HPCAL1: variants seen among roughly 807,000 people sequenced by gnomAD.
HPCAL1 encodes the protein hippocalcin like 1.
In HPCAL1, 8 loss-of-function variants were observed where a neutral mutation model predicts 17.1. The observed-to-expected ratio is 0.47, with a 90% CI of 0.27 to 0.84. The LOEUF (loss-of-function observed/expected upper bound fraction) is 0.84, where lower values mean the gene tolerates loss of function less well. Ranked by LOEUF, HPCAL1 falls within the 40% of genes least tolerant of loss-of-function variation. HPCAL1 has a pLI of 0.13. For missense variants in HPCAL1, 165 were observed against 271.1 expected (o/e 0.61, Z 2.75); for synonymous variants, 112 against 111.4 (o/e 1.01, Z -0.03).
intron 2 of HPCAL1, among the ~76,000 whole-genome samples, chr2:10,410,436 C>CTTTTTTTTTTTTTTTTTTTT (rs36002921): frequency 1.7e-4 from 13 of 77,522 alleles, no homozygotes; most frequent in East Asian, 4.3e-4. Context: ...TCTTCTTCTT[C>CTTTTTTTTTTTTTTTTTTTT]TTTTTTTTTT....
intron 1 of HPCAL1, among the ~76,000 whole-genome samples, chr2:10,386,751 C>T (rs1055541458): frequency 6.6e-6 from 1 of 152,154 alleles, no homozygotes; most frequent in Non-Finnish European, 1.5e-5. Context: ...CTTCAGATGG[C>T]CAGCTGGAGC....
intron 1 of HPCAL1, among the ~76,000 whole-genome samples, chr2:10,328,586 C>A (rs2125414479): frequency 6.6e-6 from 1 of 152,274 alleles, no homozygotes; most frequent in East Asian, 1.9e-4. Context: ...GGACACCCAC[C>A]TTCTGCTGCT....
At chr2:10,307,414 G>C (rs917094628) in intron 1 of HPCAL1, among the ~76,000 whole-genome samples, 2 of 152,142 alleles carry the variant, frequency 1.3e-5, no homozygotes, top group African/African-American at 2.4e-5. Flanking sequence ...TACCTGCCCA[G>C]GTGCACTGGC....
chr2:10,349,024 G>A (rs1665656839), intron 1 of HPCAL1, among the ~76,000 whole-genome samples: 1 of 152,096 alleles, frequency 6.6e-6, no homozygotes, highest in African/African-American at 2.4e-5. Context: ...TGAGCCTGAT[G>A]GTCTTATTGT....
chr2:10,419,807 G>A lies in HPCAL1; in HGVS notation c.50G>A (p.Arg17Gln). ...CGGCCCGAGGTGCTGCAGGACCTGC[G>A]GGAGAACACGGAGTTCACCGACCAC... Reference protein sequence around the residue: ...KLRPEVLQDLRENTEFTDHEL... With the variant: ...KLRPEVLQDLQENTEFTDHEL... The change falls in exon 3 of 5, where the codon CGG (arginine) becomes CAG (glutamine). Residue 17 changes from arginine (R) to glutamine (Q), a missense_variant. Transcript: ENST00000307845. The surrounding 1 kb of genome is among the most constrained non-coding windows in gnomAD (Gnocchi z 5.0). 1 of 1,613,546 alleles carries A rather than the reference G, an allele frequency of 6.2e-7. No individual in the cohort carries two copies. Among genetic ancestry groups the A allele is most frequent in the Non-Finnish European group, 8.5e-7 (1 of 1,179,930 alleles).
intron 1 of HPCAL1, among the ~76,000 whole-genome samples, chr2:10,351,536 C>T (rs56349441): frequency 0.36 from 55,202 of 151,650 alleles, 10,450 homozygotes; most frequent in South Asian, 0.6. Context: ...GTCAGGAGGA[C>T]TGCTTGAGCT....
chr2:10,397,480 C>T (rs1012150950), intron 2 of HPCAL1, among the ~76,000 whole-genome samples: 1 of 151,070 alleles, frequency 6.6e-6, no homozygotes, highest in African/African-American at 2.4e-5. Flanking sequence ...GGCTGCCGGG[C>T]CCAGGGTCTG....
intron 1 of HPCAL1, among the ~76,000 whole-genome samples, chr2:10,396,058 G>A (rs1360396583): frequency 6.6e-6 from 1 of 152,200 alleles, no homozygotes; most frequent in Non-Finnish European, 1.5e-5. Context: ...TGCTTGGAAC[G>A]CTTGTGCCAG....
rs2125482885 is a variant in HPCAL1 at position 10,359,066 on chromosome 2, T to C, written c.-110-37769T>C. Among the ~76,000 whole-genome samples, 1 of 152,044 alleles carries C rather than the reference T, an allele frequency of 6.6e-6. No individual in the cohort carries two copies. Among genetic ancestry groups the C allele is most frequent in the African/African-American group, 2.4e-5 (1 of 41,466 alleles). The stretch of plus-strand genomic sequence containing the variant: ...CCCGTCTGCATGCTCCCCTCGAGGT[T>C]TGACCCGTCTGCATGCTCCCCTAGA... On this transcript the variant is annotated intron_variant, in intron 1 of 4. Transcript: ENST00000307845. The surrounding 1 kb of genome is among the most constrained non-coding windows in gnomAD (Gnocchi z 4.1).
intron 1 of HPCAL1, among the ~76,000 whole-genome samples, chr2:10,355,429 C>T (rs542245010): frequency 3.6e-4 from 38 of 105,114 alleles, no homozygotes; most frequent in Non-Finnish European, 5.0e-4. Flanking sequence ...CCAGCCTGGG[C>T]GACAGAGCGA....
At chr2:10,329,002 C>T (rs1396410299) in intron 1 of HPCAL1, among the ~76,000 whole-genome samples, 1 of 151,056 alleles carries the variant, frequency 6.6e-6, no homozygotes, top group Non-Finnish European at 1.5e-5. Flanking sequence ...ATTTTAATTA[C>T]TTAATTTTTT....
chr2:10,361,398 T>C (rs773727953), intron 1 of HPCAL1, among the ~76,000 whole-genome samples: 7 of 152,094 alleles, frequency 4.6e-5, no homozygotes, highest in Non-Finnish European at 7.4e-5. Context: ...CTTCAAATTA[T>C]TGGAAGGGAA....
chr2:10,317,354 C>A (rs1663382670), intron 1 of HPCAL1, among the ~76,000 whole-genome samples: 1 of 152,072 alleles, frequency 6.6e-6, no homozygotes, highest in South Asian at 2.1e-4. Flanking sequence ...CCAACAAAAT[C>A]TCTTAAAGCT....
chr2:10,364,269 G>T (rs895672509), intron 1 of HPCAL1, among the ~76,000 whole-genome samples: 1 of 152,232 alleles, frequency 6.6e-6, no homozygotes, highest in East Asian at 1.9e-4. Flanking sequence ...GCATCCGGGG[G>T]TCCCTCCGGG....
intron 1 of HPCAL1, among the ~76,000 whole-genome samples, chr2:10,339,757 A>G (rs1664953526): frequency 6.6e-6 from 1 of 152,232 alleles, no homozygotes; most frequent in Non-Finnish European, 1.5e-5. Flanking sequence ...AGCATGTAAG[A>G]TTACACAGCA....
chr2:10,422,921 C>G lies in HPCAL1; in HGVS notation c.379-62C>G, dbSNP rs975578373. 7 of 1,242,314 alleles carry G rather than the reference C, an allele frequency of 5.6e-6. No individual in the cohort carries two copies. The African/African-American group carries it at 8.9e-5, about 16-fold the overall frequency. 77.0% of individuals were successfully genotyped at this position (1,242,314 alleles called of 1,614,324 possible). ...TGTTGTGGGCTGGGCGGAAGCCCACCCTTGCTGCACCCGCCCAAGCCCCCG... is the reference window on the plus strand; with the variant it reads ...TGTTGTGGGCTGGGCGGAAGCCCACGCTTGCTGCACCCGCCCAAGCCCCCG... On this transcript the variant is annotated intron_variant, in intron 3 of 4. Transcript: ENST00000307845.
chr2:10,308,659 C>G (rs76578430), intron 1 of HPCAL1, among the ~76,000 whole-genome samples: 2,686 of 152,264 alleles, frequency 0.018, 74 homozygotes, highest in African/African-American at 0.062. Flanking sequence ...CCTGCCTGCA[C>G]CTGGCTCAGC....
rs1008097712 is a variant in HPCAL1 at position 10,331,384 on chromosome 2, G to T, written c.-111+28207G>T. Among the ~76,000 whole-genome samples the T allele has an allele frequency of 6.6e-6, 1 of 152,118 alleles. No homozygotes were observed. Among genetic ancestry groups the T allele is most frequent in the Non-Finnish European group, 1.5e-5 (1 of 68,004 alleles). On this transcript the variant is annotated intron_variant, in intron 1 of 4. Coordinates refer to ENST00000307845, the MANE Select transcript of HPCAL1 (RefSeq NM_002149.4). This position sits in a 1 kb window ranked among gnomAD's most constrained non-coding sequence, Gnocchi z 5.0. ...CTCCTGCGTTTCCTCCTGTCTCCCC[G>T]GGGAGCTCGGAGTTCTGCAGGCACG... is the stretch of plus-strand genomic sequence containing the variant.
At chr2:10,409,544 G>A (rs1670196225) in intron 2 of HPCAL1, among the ~76,000 whole-genome samples, 1 of 152,170 alleles carries the variant, frequency 6.6e-6, no homozygotes, top group Admixed American at 6.6e-5. Context: ...CTAGGAGAGG[G>A]GCTTAGCTGC....
Sources: allele counts gnomAD v4.1 joint callset (sites outside exome capture counted in the v4.1 genomes callset), GRCh38; gene constraint gnomAD v4.1.1; non-coding constraint Gnocchi (gnomAD v3.1); transcripts MANE v1.5; gene names NCBI Gene and HGNC (gene_info 2026-07-23, HGNC 2026-07-21).